Variants in KCNT2 observed in about 807,000 individuals in gnomAD.
KCNT2 encodes the protein potassium channel subfamily T member 2.
Under a neutral mutation model 153.8 loss-of-function variants are expected in KCNT2, and 67 were observed. That is an observed-to-expected ratio of 0.44 (90% CI 0.36 to 0.53). The LOEUF is 0.53. KCNT2 is among the 20% of genes least tolerant of loss of function. The pLI, the probability that KCNT2 is intolerant of heterozygous loss-of-function variation, is 0.00. For synonymous variants in KCNT2, 500 were observed against 458.8 expected (o/e 1.09, Z -1.15); for missense variants, 975 against 1,354.8 (o/e 0.72, Z 4.40).
In KCNT2 at chr1:196,383,185, G is replaced by A. The variant is rs1253947643; in HGVS notation, c.1295-9937C>T. 3.3e-5 allele frequency among the ~76,000 whole-genome samples: 5 copies of A among 152,050 alleles called. No individual in the cohort carries two copies. In the East Asian group the frequency reaches 9.6e-4, roughly 29 times the overall value. On this transcript the variant is annotated intron_variant, in intron 13 of 27. Transcript: ENST00000294725. ...GTTCTCAAGCTATTTGTGATGAAGG[G>A]CCAGTTTTCTTTTTCTTTTTAATTG...
chr1:196,453,906 G>T (rs771597709), intron 8 of KCNT2, among the ~76,000 whole-genome samples: 6 of 151,906 alleles, frequency 3.9e-5, no homozygotes, highest in Non-Finnish European at 8.8e-5. Context: ...CCCCCTAGAA[G>T]TTCTGAAATG....
chr1:196,596,664 C>A (rs1332198179), intron 1 of KCNT2, among the ~76,000 whole-genome samples: 2 of 152,106 alleles, frequency 1.3e-5, no homozygotes, highest in Non-Finnish European at 2.9e-5. Flanking sequence ...CTGTATATGG[C>A]TATATTAATA....
intron 1 of KCNT2, among the ~76,000 whole-genome samples, chr1:196,519,368 A>T (rs12130004): frequency 0.069 from 10,528 of 152,132 alleles, 1,108 homozygotes; most frequent in African/African-American, 0.23. Context: ...TAACACCTTA[A>T]CATCACAACT....
chr1:196,440,701 A>T (rs1445970711), intron 8 of KCNT2, among the ~76,000 whole-genome samples: 1 of 150,660 alleles, frequency 6.6e-6, no homozygotes, highest in Admixed American at 6.6e-5. Flanking sequence ...GTCAGTTCCT[A>T]TTTTTTTTTG....
At position 196,258,181 on chromosome 1, in the gene KCNT2, T is replaced by C; in HGVS notation, c.3211+13A>G. The C allele has an allele frequency of 2.5e-6, 4 of 1,611,836 alleles. No homozygotes were observed. Among genetic ancestry groups the C allele is most frequent in the Non-Finnish European group, 3.4e-6 (4 of 1,179,068 alleles). On this transcript the variant is annotated intron_variant, in intron 26 of 27. Coordinates refer to ENST00000294725, the MANE Select transcript of KCNT2 (RefSeq NM_198503.5). ...CACGAGTCCATATATACAGTAGTTT[T>C]TAAAGAGCATACCATATCCCACTGT...
intron 16 of KCNT2, among the ~76,000 whole-genome samples, chr1:196,336,173 A>G (rs1056498218): frequency 6.6e-6 from 1 of 152,108 alleles, no homozygotes; most frequent in Non-Finnish European, 1.5e-5. Context: ...ATACACATAG[A>G]TGATCCTTCC....
intron 11 of KCNT2, among the ~76,000 whole-genome samples, chr1:196,425,540 C>T (rs1673585050): frequency 6.6e-6 from 1 of 151,944 alleles, no homozygotes; most frequent in African/African-American, 2.4e-5. Flanking sequence ...AACAGTGAGT[C>T]TGGATACCTC....
intron 20 of KCNT2, among the ~76,000 whole-genome samples, chr1:196,316,602 A>G (rs1489457024): frequency 2.6e-5 from 4 of 151,758 alleles, no homozygotes; most frequent in Non-Finnish European, 4.4e-5. Context: ...GTTGTATGCA[A>G]GCCTACTGTT....
intron 22 of KCNT2, among the ~76,000 whole-genome samples, chr1:196,286,565 C>T (rs1276514526): frequency 2.0e-5 from 3 of 151,798 alleles, no homozygotes; most frequent in Admixed American, 2.0e-4. Flanking sequence ...ATTTCTCCAC[C>T]TAACTGATAA....
chr1:196,478,221 T>C (rs1678704868), intron 5 of KCNT2, among the ~76,000 whole-genome samples: 1 of 152,186 alleles, frequency 6.6e-6, no homozygotes, highest in Non-Finnish European at 1.5e-5. Flanking sequence ...GGTAAATCTT[T>C]TCATCCAGCC....
At chr1:196,564,493 A>G (rs1005856156) in intron 1 of KCNT2, among the ~76,000 whole-genome samples, 2 of 152,018 alleles carry the variant, frequency 1.3e-5, no homozygotes, top group East Asian at 1.9e-4. Flanking sequence ...AAATGGAAAA[A>G]TCAATTCCAA....
rs76128645 is a variant in KCNT2, at chr1:196,375,504, G to A, written c.1295-2256C>T. Reference sequence around the variant, plus strand: ...ATTAATAAAAATTAATATATGATATGTATCAGTCAAAACCTAGCACCTTGT... The same window carrying A: ...ATTAATAAAAATTAATATATGATATATATCAGTCAAAACCTAGCACCTTGT... On this transcript the variant is annotated intron_variant, in intron 13 of 27. Coordinates refer to ENST00000294725, the MANE Select transcript of KCNT2 (RefSeq NM_198503.5). Among the ~76,000 whole-genome samples, 126 of 151,686 alleles carry A rather than the reference G, an allele frequency of 8.3e-4. 3 individuals carry two copies. The East Asian group carries it at 0.022, about 26-fold the overall frequency.
intron 3 of KCNT2, among the ~76,000 whole-genome samples, chr1:196,486,771 G>A (rs1444442096): frequency 6.6e-6 from 1 of 151,476 alleles, no homozygotes; most frequent in Admixed American, 6.6e-5. Context: ...AAACAGGAGG[G>A]TAAATTATAC....
At chr1:196,359,855 A>G (rs1288858548) in intron 14 of KCNT2, among the ~76,000 whole-genome samples, 6 of 152,024 alleles carry the variant, frequency 3.9e-5, no homozygotes, top group African/African-American at 9.7e-5. Flanking sequence ...TTTGGAGTAC[A>G]TGCTATATAT....
intron 13 of KCNT2, among the ~76,000 whole-genome samples, chr1:196,393,890 G>A (rs1434432392): frequency 6.6e-6 from 1 of 151,354 alleles, no homozygotes; most frequent in Non-Finnish European, 1.5e-5. Context: ...AATACAAAAT[G>A]TTACAAAAAC....
intron 26 of KCNT2, among the ~76,000 whole-genome samples, chr1:196,242,449 A>G (rs1408921730): frequency 6.6e-6 from 1 of 152,128 alleles, no homozygotes; most frequent in African/African-American, 2.4e-5. Context: ...CTACTACTGA[A>G]GTAATAGTTG....
intron 1 of KCNT2, among the ~76,000 whole-genome samples, chr1:196,598,891 T>C (rs1664395926): frequency 6.6e-6 from 1 of 152,266 alleles, no homozygotes; most frequent in Admixed American, 6.5e-5. Context: ...TCTCTGATGC[T>C]GTGATAAATA....
intron 1 of KCNT2, among the ~76,000 whole-genome samples, chr1:196,602,877 C>T (rs1290421886): frequency 2.0e-5 from 3 of 147,828 alleles, no homozygotes; most frequent in East Asian, 2.0e-4. Flanking sequence ...AGCTCCGCCT[C>T]CCAGGTTCAC....
At chr1:196,595,783 C>T (rs12117379) in intron 1 of KCNT2, among the ~76,000 whole-genome samples, 19,060 of 151,574 alleles carry the variant, frequency 0.13, 3,784 homozygotes, top group African/African-American at 0.42. Flanking sequence ...TTAGTACACC[C>T]ATCACCTGAG....
Sources: allele counts gnomAD v4.1 joint callset (sites outside exome capture counted in the v4.1 genomes callset), GRCh38; gene constraint gnomAD v4.1.1; transcripts MANE v1.5; gene names NCBI Gene and HGNC (gene_info 2026-07-23, HGNC 2026-07-21).